ACIN1: variants seen among roughly 807,000 people sequenced by gnomAD.
The protein encoded by ACIN1 is apoptotic chromatin condensation inducer in the nucleus.
A neutral mutation model predicts 146.6 loss-of-function variants in ACIN1; 16 were observed. The ratio of observed to expected loss-of-function variants is 0.11; its 90% CI spans 0.07 to 0.17. The LOEUF (loss-of-function observed/expected upper bound fraction) is 0.17, where lower values mean the gene tolerates loss of function less well. ACIN1 is among the 10% of genes least tolerant of loss of function. The pLI is 1.00. For missense variants in ACIN1, 1,357 were observed against 1,609.3 expected (o/e 0.84, Z 2.68); for synonymous variants, 569 against 582.7 (o/e 0.98, Z 0.34).
rs1566733544 is a variant in ACIN1 at position 23,063,485 on chromosome 14, C to T, written c.2688G>A (p.Val896=). 6.2e-7 allele frequency: 1 copy of T among 1,614,210 alleles called. No individual in the cohort carries two copies. Among genetic ancestry groups the T allele is most frequent in the Non-Finnish European group, 8.5e-7 (1 of 1,180,026 alleles). ...GTGGGGGCAAGGCCACCTCTACTGACACCTGGGGAGGTACAGGAGGTTCTG... is the reference window on the plus strand; with the variant it reads ...GTGGGGGCAAGGCCACCTCTACTGATACCTGGGGAGGTACAGGAGGTTCTG... ...PEAEPPVPPQ[V]SVEVALPPPA... is the part of the protein sequence containing the mutation. The change falls in exon 13 of 19, where the codon GTG becomes GTA. Residue 896 remains valine, a synonymous_variant. Transcript: ENST00000605057.
At chr14:23,071,437 G>A (rs776193551) in intron 8 of ACIN1, 60 of 1,551,586 alleles carry the variant, frequency 3.9e-5, no homozygotes, top group South Asian at 1.1e-4. Flanking sequence ...GGCAAACCCC[G>A]AGTTCGGCTG....
rs377119926 is a variant in ACIN1, at chr14:23,062,951, T to G, written c.2861A>C (p.Asn954Thr). 3.1e-6 allele frequency: 5 copies of G among 1,609,808 alleles called. No homozygotes were observed. The highest frequency in any genetic ancestry group is 3.3e-4 in the Middle Eastern group (2 of 6,060). Residue 954 changes from asparagine (N) to threonine (T), a missense_variant, in exon 14 of 19, where the codon AAC (asparagine) becomes ACC (threonine). By Grantham distance (65) the Asn-to-Thr change is moderately conservative. Coordinates refer to ENST00000605057, the MANE Select transcript of ACIN1 (RefSeq NM_001386863.1). ...TACCAAATTGGAGATATGGACAATG[T>G]TGCTAATCTTGCCCCGGGGTGGGGA... is the stretch of plus-strand genomic sequence containing the variant. ...VPSPPRGKIS[N>T]IVHISNLVRP... is the part of the protein sequence containing the mutation.
At chr14:23,083,174 G>GT (rs1048719117) in intron 4 of ACIN1, among the ~76,000 whole-genome samples, 6 of 152,058 alleles carry the variant, frequency 3.9e-5, no homozygotes, top group Non-Finnish European at 8.8e-5. Context: ...ATGAAGGAAG[G>GT]TAACTGGGTA....
chr14:23,062,151 C>T lies in ACIN1; in HGVS notation c.3099+17G>A, dbSNP rs756931308. 2.6e-5 allele frequency: 42 copies of T among 1,607,616 alleles called. No individual in the cohort carries two copies. The highest frequency in any genetic ancestry group is 3.4e-5 in the Non-Finnish European group (40 of 1,174,330). ...TTCCCCTGCCCCTCCTCTCTTTCCTCTCCCTAGGTTTCTTACCTCATCTTG... is the reference window on the plus strand; with the variant it reads ...TTCCCCTGCCCCTCCTCTCTTTCCTTTCCCTAGGTTTCTTACCTCATCTTG... On this transcript the variant is annotated intron_variant, in intron 16 of 18. Transcript: ENST00000605057.
intron 4 of ACIN1, among the ~76,000 whole-genome samples, chr14:23,086,812 A>C (rs1333387318): frequency 6.6e-6 from 1 of 152,212 alleles, no homozygotes; most frequent in Non-Finnish European, 1.5e-5. Flanking sequence ...TTTTGCCAAT[A>C]GCATATAAAC....
At chr14:23,063,315 A>G (rs1212110246) in intron 13 of ACIN1, 121 bp downstream of exon 13, 5 of 1,333,392 alleles carry the variant, frequency 3.7e-6, no homozygotes, top group Non-Finnish European at 3.0e-6. Context: ...TAGGAGAAAG[A>G]TATGATATAC....
intron 18 of ACIN1, among the ~76,000 whole-genome samples, chr14:23,059,703 G>A (rs1230134005): frequency 6.6e-6 from 1 of 150,960 alleles, no homozygotes; most frequent in Admixed American, 6.6e-5. Context: ...CCCAGGCTGG[G>A]AGTGCAGTGG....
chr14:23,091,883 C>G (rs1053041022), intron 2 of ACIN1, among the ~76,000 whole-genome samples: 1 of 152,152 alleles, frequency 6.6e-6, no homozygotes, highest in Non-Finnish European at 1.5e-5. Context: ...CTTGGCCTCC[C>G]AAAGTGCTAG....
At chr14:23,093,002 G>A (rs1457864989) in intron 2 of ACIN1, among the ~76,000 whole-genome samples, 1 of 152,208 alleles carries the variant, frequency 6.6e-6, no homozygotes, top group Admixed American at 6.5e-5. Flanking sequence ...ATGTTTATGA[G>A]TAAGTGCACT....
In ACIN1 at chr14:23,080,361, T is replaced by G; in HGVS notation, c.974A>C (p.Lys325Thr). Residue 325 changes from lysine (K) to threonine (T), a missense_variant, in exon 6 of 19, where the codon AAA becomes ACA. Lys to Thr is a moderately conservative substitution (Grantham distance 78). Coordinates refer to ENST00000605057, the MANE Select transcript of ACIN1 (RefSeq NM_001386863.1). The part of the protein sequence containing the change: ...EIKSSQGLKE[K>T]SKSPSPPRLT... ...TCGAGGAGGGGAAGGAGACTTCGAT[T>G]TTTCCTTTAAGCCTTGTGAAGATTT... 1 of 1,614,184 alleles carries G rather than the reference T, an allele frequency of 6.2e-7. No individual in the cohort carries two copies. The highest frequency in any genetic ancestry group is 8.5e-7 in the Non-Finnish European group (1 of 1,180,036).
chr14:23,088,808 A>G (rs1300077620), intron 4 of ACIN1, among the ~76,000 whole-genome samples: 1 of 152,150 alleles, frequency 6.6e-6, no homozygotes, highest in Non-Finnish European at 1.5e-5. Flanking sequence ...TTTGCATTAT[A>G]CTTTCTGATT....
At chr14:23,063,108 G>C in intron 13 of ACIN1, 34 bp from the exon 14 acceptor site, 4 of 1,575,336 alleles carry the variant, frequency 2.5e-6, no homozygotes, top group Non-Finnish European at 3.4e-6. Flanking sequence ...GCTTTTGGTA[G>C]GAAGCAATAC....
chr14:23,093,225 G>A (rs1293515998), intron 2 of ACIN1, among the ~76,000 whole-genome samples: 1 of 152,140 alleles, frequency 6.6e-6, no homozygotes, highest in African/African-American at 2.4e-5. Flanking sequence ...GTAATTAATG[G>A]AAGCCACACC....
chr14:23,069,657 A>G (rs772413414), intron 8 of ACIN1, 40 bp from the exon 9 acceptor site: 2 of 1,552,106 alleles, frequency 1.3e-6, no homozygotes, highest in Admixed American at 3.4e-5. Flanking sequence ...GGCGGGCAGA[A>G]AAGAACCAAG....
chr14:23,077,973 T>C, intron 8 of ACIN1, 178 bp downstream of exon 8: 1 of 508,072 alleles, frequency 2.0e-6, no homozygotes, highest in Non-Finnish European at 3.4e-6. Flanking sequence ...CTTTTCAGGT[T>C]ACCTTAAAGG....
At chr14:23,075,323 CTTT>C (rs11423392) in intron 8 of ACIN1, among the ~76,000 whole-genome samples, 6 of 133,330 alleles carry the variant, frequency 4.5e-5, no homozygotes, top group East Asian at 2.1e-4. Flanking sequence ...CTTTCTTCCC[CTTT>C]TTTTTTTTTT....
At chr14:23,062,706 T>C in intron 14 of ACIN1, 183 bp from the exon 15 acceptor site, 1 of 744,024 alleles carries the variant, frequency 1.3e-6, no homozygotes, top group Non-Finnish European at 2.2e-6. Flanking sequence ...ATTGAGACGT[T>C]GTATGTGAGG....
chr14:23,075,709 A>ATT (rs763083144), intron 8 of ACIN1, among the ~76,000 whole-genome samples: 8 of 144,832 alleles, frequency 5.5e-5, no homozygotes, highest in African/African-American at 7.6e-5. Flanking sequence ...GGTCTTTTCC[A>ATT]TTTTTTTTTT....
At chr14:23,071,032 G>C in intron 8 of ACIN1, 1 of 1,402,796 alleles carries the variant, frequency 7.1e-7, no homozygotes, top group East Asian at 2.5e-5. Context: ...AAACCAAAAC[G>C]AAAGACGGAA....
Sources: gnomAD v4.1 joint callset for allele counts (sites outside exome capture counted in the v4.1 genomes callset) on GRCh38, gnomAD v4.1.1 for gene constraint, MANE v1.5 for transcripts, NCBI Gene and HGNC (gene_info 2026-07-23, HGNC 2026-07-21) for gene names.